Variants in PPP6R3 observed in about 807,000 individuals in gnomAD.
PPP6R3 encodes the protein serine/threonine-protein phosphatase 6 regulatory subunit 3.
In PPP6R3, 38 loss-of-function variants were observed where a neutral mutation model predicts 110.7. The observed-to-expected ratio is 0.34, with a 90% CI of 0.26 to 0.45. The LOEUF is 0.45. PPP6R3 is among the 20% of genes least tolerant of loss of function. The pLI, the probability that PPP6R3 is intolerant of heterozygous loss-of-function variation, is 1.00. For synonymous variants in PPP6R3, 369 were observed against 373.5 expected (o/e 0.99, Z 0.14); for missense variants, 870 against 1,062.4 (o/e 0.82, Z 2.52).
At chr11:68,531,341 T>TTATTTATTTATG (rs1565643384) in intron 2 of PPP6R3, among the ~76,000 whole-genome samples, 4 of 150,882 alleles carry the variant, frequency 2.7e-5, no homozygotes, top group Admixed American at 6.6e-5. Context: ...ATTTATTTAT[T>TTATTTATTTATG]TATTTATTTA....
intron 1 of PPP6R3, chr11:68,488,910 C>T (rs1338361599): frequency 1.3e-5 from 2 of 152,092 alleles, no homozygotes; most frequent in Admixed American, 6.6e-5. Flanking sequence ...TTTTTTGATA[C>T]ATTCTGAAAA....
chr11:68,588,239 C>G (rs1413869657), intron 16 of PPP6R3, among the ~76,000 whole-genome samples: 1 of 152,118 alleles, frequency 6.6e-6, no homozygotes, highest in Non-Finnish European at 1.5e-5. Flanking sequence ...TGGCTCATGC[C>G]TGTAATCCCA....
intron 19 of PPP6R3, among the ~76,000 whole-genome samples, chr11:68,599,929 C>T (rs1193989917): frequency 6.6e-6 from 1 of 152,138 alleles, no homozygotes; most frequent in Non-Finnish European, 1.5e-5. Context: ...TGAGACCATC[C>T]TGGCTAACAC....
intron 3 of PPP6R3, among the ~76,000 whole-genome samples, chr11:68,543,276 T>G (rs2153668631): frequency 6.6e-6 from 1 of 152,328 alleles, no homozygotes; most frequent in Middle Eastern, 3.4e-3. Flanking sequence ...CTGTAACCGC[T>G]GCATCAGCCC....
At chr11:68,476,690 A>G (rs1195039754) in intron 1 of PPP6R3, among the ~76,000 whole-genome samples, 1 of 152,134 alleles carries the variant, frequency 6.6e-6, no homozygotes, top group Non-Finnish European at 1.5e-5. Flanking sequence ...CTTGGCATAT[A>G]TATCTTTTTA....
At chr11:68,503,909 A>G (rs988061834) in intron 1 of PPP6R3, among the ~76,000 whole-genome samples, 18 of 152,240 alleles carry the variant, frequency 1.2e-4, no homozygotes, top group African/African-American at 4.3e-4. Context: ...TGAAGAGAAA[A>G]GCAAATGCAT....
intron 14 of PPP6R3, among the ~76,000 whole-genome samples, chr11:68,577,846 A>G (rs760227932): frequency 2.6e-5 from 4 of 152,206 alleles, no homozygotes; most frequent in Admixed American, 6.5e-5. Context: ...TTCTGCCATC[A>G]TACTCGGACT....
chr11:68,596,125 A>G lies in PPP6R3; in HGVS notation c.1945A>G (p.Thr649Ala). 1 of 1,614,214 alleles carries G rather than the reference A, an allele frequency of 6.2e-7. No individual in the cohort carries two copies. Among genetic ancestry groups the G allele is most frequent in the Non-Finnish European group, 8.5e-7 (1 of 1,180,016 alleles). The stretch of plus-strand genomic sequence containing the variant: ...GGGGAGTACAGACAGTGAGGAAAGT[A>G]CAGACTCTGAAGAAGAAGATGGAGC... Reference protein sequence around the residue: ...SSGSTDSEESTDSEEEDGAKQ... With the variant: ...SSGSTDSEESADSEEEDGAKQ... The change falls in exon 19 of 24, where the codon ACA becomes GCA. Residue 649 changes from threonine to alanine, a missense_variant. Coordinates refer to ENST00000393800, the MANE Select transcript of PPP6R3 (RefSeq NM_001164161.2).
At chr11:68,536,897 T>C (rs1321866650) in intron 2 of PPP6R3, among the ~76,000 whole-genome samples, 1 of 152,198 alleles carries the variant, frequency 6.6e-6, no homozygotes, top group Non-Finnish European at 1.5e-5. Flanking sequence ...AAAAGTGGCA[T>C]TTGAGATCAT....
At chr11:68,507,767 A>G (rs1418964413) in intron 1 of PPP6R3, among the ~76,000 whole-genome samples, 3 of 152,166 alleles carry the variant, frequency 2.0e-5, no homozygotes. Flanking sequence ...GCTTTGTGAT[A>G]TACCACCTGT....
chr11:68,570,176 A>T (rs2099497600), intron 11 of PPP6R3, among the ~76,000 whole-genome samples: 1 of 152,220 alleles, frequency 6.6e-6, no homozygotes, highest in South Asian at 2.1e-4. Flanking sequence ...TTCTTTGATG[A>T]TTTGAAGAAT....
At chr11:68,544,529 G>A (rs367827774) in intron 3 of PPP6R3, among the ~76,000 whole-genome samples, 4 of 152,198 alleles carry the variant, frequency 2.6e-5, no homozygotes, top group Admixed American at 6.5e-5. Flanking sequence ...CGCTTTCCTC[G>A]CTGATCGTGG....
chr11:68,602,276 A>G (rs996533770), intron 21 of PPP6R3, among the ~76,000 whole-genome samples: 1 of 152,226 alleles, frequency 6.6e-6, no homozygotes, highest in Non-Finnish European at 1.5e-5. Context: ...GTGTGCAGCC[A>G]AGCCTGTGTG....
chr11:68,489,633 C>T (rs551737105), intron 1 of PPP6R3, among the ~76,000 whole-genome samples: 7 of 150,774 alleles, frequency 4.6e-5, no homozygotes, highest in African/African-American at 9.8e-5. Context: ...AGGGTATCAG[C>T]GCCATTTTTC....
intron 1 of PPP6R3, among the ~76,000 whole-genome samples, chr11:68,499,680 C>A (rs1019102554): frequency 6.6e-6 from 1 of 152,078 alleles, no homozygotes; most frequent in Non-Finnish European, 1.5e-5. Context: ...GGGATCCCCC[C>A]ACTTCAGCCT....
intron 1 of PPP6R3, among the ~76,000 whole-genome samples, chr11:68,515,667 T>C (rs1265164694): frequency 1.3e-5 from 2 of 152,316 alleles, no homozygotes; most frequent in East Asian, 1.9e-4. Flanking sequence ...ACATGGCCTT[T>C]CCTTGGGTTC....
chr11:68,551,079 A>T (rs1326696566), intron 5 of PPP6R3, 42 bp from the exon 6 acceptor site: 1 of 1,343,430 alleles, frequency 7.4e-7, no homozygotes, highest in Non-Finnish European at 1.1e-6. Context: ...CTTGAACAAG[A>T]GCCACTCATT....
chr11:68,542,223 C>T (rs948824632), intron 3 of PPP6R3, among the ~76,000 whole-genome samples: 3 of 151,236 alleles, frequency 2.0e-5, no homozygotes, highest in Non-Finnish European at 2.9e-5. Flanking sequence ...TCCCCTGGAG[C>T]GAGGAGGAAG....
In PPP6R3 at chr11:68,600,458, G is replaced by A. The variant is rs1212582841; in HGVS notation, c.2156G>A (p.Gly719Asp). The change falls in exon 20 of 24, where the codon GGC (glycine) becomes GAC (aspartate). Residue 719 changes from glycine to aspartate, a missense_variant. Transcript: ENST00000393800. ...GAGCCGATGCCAACTAAAGAGACGGGCTGGGCTTCTTTTTCAGAGTTCACG... is the reference window on the plus strand; with the variant it reads ...GAGCCGATGCCAACTAAAGAGACGGACTGGGCTTCTTTTTCAGAGTTCACG... ...TEEPMPTKET[G>D]WASFSEFTSS... 6.2e-7 allele frequency: 1 copy of A among 1,613,976 alleles called. No homozygotes were observed.
Sources: allele counts gnomAD v4.1 joint callset (sites outside exome capture counted in the v4.1 genomes callset), GRCh38; gene constraint gnomAD v4.1.1; transcripts MANE v1.5; gene names NCBI Gene and HGNC (gene_info 2026-07-23, HGNC 2026-07-21).